The following SLC24A2 variants were observed in gnomAD, a reference collection of about 807,000 sequenced individuals.
SLC24A2 encodes the protein sodium/potassium/calcium exchanger 2.
Under a neutral mutation model 62.0 loss-of-function variants are expected in SLC24A2, and 36 were observed. The observed-to-expected ratio is 0.58, with a 90% CI of 0.44 to 0.77. The LOEUF is 0.77. SLC24A2 is among the 30% of genes least tolerant of loss of function. SLC24A2 has a pLI of 0.00. For synonymous variants in SLC24A2, 358 were observed against 294.0 expected (o/e 1.22, Z -2.23); for missense variants, 846 against 817.9 (o/e 1.03, Z -0.42).
At chr9:20,252,595 T>C in the SLC24A2 span, among the ~76,000 whole-genome samples, 1 of 152,190 alleles carries the variant, frequency 6.6e-6, no homozygotes, top group Non-Finnish European at 1.5e-5. Context: ...TATGAAACAT[T>C]AGGCAAGGTG....
the SLC24A2 span, among the ~76,000 whole-genome samples, chr9:19,840,449 C>T: frequency 6.6e-6 from 1 of 152,258 alleles, no homozygotes; most frequent in Admixed American, 6.5e-5. Context: ...CCCAATTTCC[C>T]TATTCAGCTA....
chr9:19,817,893 C>T, the SLC24A2 span, among the ~76,000 whole-genome samples: 1 of 152,104 alleles, frequency 6.6e-6, no homozygotes, highest in African/African-American at 2.4e-5. Context: ...CCTACTACAT[C>T]CAGCTAATTT....
chr9:19,705,638 A>T (rs7853874), intron 2 of SLC24A2: 88,570 of 223,134 alleles, frequency 0.4, 20,295 homozygotes, highest in African/African-American at 0.69. Context: ...CCCTAGGATG[A>T]AGAAATGAAG....
At chr9:19,738,796 A>T (rs1173937692) in intron 2 of SLC24A2, among the ~76,000 whole-genome samples, 1 of 152,182 alleles carries the variant, frequency 6.6e-6, no homozygotes, top group Admixed American at 6.5e-5. Context: ...TGAAAAAATT[A>T]AAAAATATTT....
At chr9:20,179,364 C>T in the SLC24A2 span, among the ~76,000 whole-genome samples, 268 of 152,164 alleles carry the variant, frequency 1.8e-3, 2 homozygotes, top group Non-Finnish European at 1.4e-3. Flanking sequence ...ATGCCCCAAT[C>T]GGAGAAAAAA....
At chr9:20,198,110 G>T in the SLC24A2 span, among the ~76,000 whole-genome samples, 1 of 152,212 alleles carries the variant, frequency 6.6e-6, no homozygotes, top group African/African-American at 2.4e-5. Context: ...CTCCACACCA[G>T]ATGTGATCCC....
intron 2 of SLC24A2, among the ~76,000 whole-genome samples, chr9:19,746,839 GT>G (rs1478998388): frequency 1.3e-5 from 2 of 152,062 alleles, no homozygotes; most frequent in Non-Finnish European, 2.9e-5. Context: ...TTGCAAAAGT[GT>G]TTTGAGTTCC....
At chr9:19,637,704 C>G (rs1007408601) in intron 2 of SLC24A2, among the ~76,000 whole-genome samples, 1 of 152,172 alleles carries the variant, frequency 6.6e-6, no homozygotes, top group Non-Finnish European at 1.5e-5. Flanking sequence ...CTTTGTTTCA[C>G]AGCTGGAAGG....
intron 7 of SLC24A2, among the ~76,000 whole-genome samples, chr9:19,566,217 C>T (rs1278617555): frequency 1.3e-5 from 2 of 150,534 alleles, no homozygotes; most frequent in Non-Finnish European, 3.0e-5. Context: ...ATCTACTCAT[C>T]TGACAAAGGG....
chr9:19,745,846 C>G (rs1821816899), intron 2 of SLC24A2, among the ~76,000 whole-genome samples: 1 of 152,142 alleles, frequency 6.6e-6, no homozygotes, highest in South Asian at 2.1e-4. Context: ...AATGTAAAAG[C>G]AGCAATAAGA....
At position 19,632,832 on chromosome 9, in the gene SLC24A2, G is replaced by C. The variant is rs959347129; in HGVS notation, c.931-10533C>G. Among the ~76,000 whole-genome samples the C allele has an allele frequency of 6.6e-6, 1 of 152,158 alleles. No individual in the cohort carries two copies. Among genetic ancestry groups the C allele is most frequent in the Non-Finnish European group, 1.5e-5 (1 of 68,026 alleles). On this transcript the variant is annotated intron_variant, in intron 2 of 10. Coordinates refer to ENST00000341998, the MANE Select transcript of SLC24A2 (RefSeq NM_020344.4). The surrounding 1 kb of genome is among the most constrained non-coding windows in gnomAD (Gnocchi z 4.5). ...TCACCAGTTATATGTGCACCTATTTGTGTTTGTGCATAGTGTGTATGTAGT... is the reference window on the plus strand; with the variant it reads ...TCACCAGTTATATGTGCACCTATTTCTGTTTGTGCATAGTGTGTATGTAGT...
At chr9:20,258,956 G>C in the SLC24A2 span, among the ~76,000 whole-genome samples, 46 of 152,134 alleles carry the variant, frequency 3.0e-4, no homozygotes, top group Non-Finnish European at 4.1e-4. Context: ...TAAAGGCTCT[G>C]AGAAGGGGAG....
intron 2 of SLC24A2, among the ~76,000 whole-genome samples, chr9:19,705,939 T>C (rs561938736): frequency 6.6e-5 from 10 of 152,052 alleles, no homozygotes; most frequent in Admixed American, 3.3e-4. Flanking sequence ...TCTGTAGATG[T>C]CTATTAGGTC....
In SLC24A2 at chr9:19,636,301, T is replaced by C. The variant is rs1444148855; in HGVS notation, c.931-14002A>G. Among the ~76,000 whole-genome samples, 32 of 44,392 alleles carry C rather than the reference T, an allele frequency of 7.2e-4. 1 individual carries two copies. Among genetic ancestry groups the C allele is most frequent in the African/African-American group, 2.3e-3 (25 of 10,758 alleles). 29.1% of individuals were successfully genotyped at this position (44,392 alleles called of 152,430 possible). On this transcript the variant is annotated intron_variant, in intron 2 of 10. Transcript: ENST00000341998. The stretch of plus-strand genomic sequence containing the variant: ...CTCTTCTTCTCTTCTTTTCTTTTCT[T>C]TTCTTTTCTTTTCTTTTCTTTCTTT...
chr9:19,520,825 T>G, intron 10 of SLC24A2, 69 bp downstream of exon 10: 1 of 1,489,522 alleles, frequency 6.7e-7, no homozygotes, highest in South Asian at 1.1e-5. Context: ...GTCATGTCTT[T>G]CCAGCTTCTA....
chr9:19,961,675 T>C, the SLC24A2 span, among the ~76,000 whole-genome samples: 1 of 152,194 alleles, frequency 6.6e-6, no homozygotes, highest in South Asian at 2.1e-4. Context: ...AGTAACTCAT[T>C]TCTAACTAAT....
chr9:19,932,269 C>T, the SLC24A2 span, among the ~76,000 whole-genome samples: 1 of 152,120 alleles, frequency 6.6e-6, no homozygotes, highest in Non-Finnish European at 1.5e-5. Context: ...GAGATGAAAG[C>T]TTGGGAAGGA....
At chr9:20,278,124 T>A in the SLC24A2 span, among the ~76,000 whole-genome samples, 8 of 152,036 alleles carry the variant, frequency 5.3e-5, no homozygotes, top group African/African-American at 1.9e-4. Context: ...TTAGGAGATA[T>A]ACCTAATGTA....
intron 2 of SLC24A2, among the ~76,000 whole-genome samples, chr9:19,674,302 C>G (rs114062949): frequency 0.016 from 2,377 of 151,918 alleles, 61 homozygotes; most frequent in African/African-American, 0.054. Flanking sequence ...TCTTAAGATT[C>G]TTTCTTAAGT....
Sources: allele counts gnomAD v4.1 joint callset (sites outside exome capture counted in the v4.1 genomes callset), GRCh38; gene constraint gnomAD v4.1.1; non-coding constraint Gnocchi (gnomAD v3.1); transcripts MANE v1.5; gene names NCBI Gene and HGNC (gene_info 2026-07-23, HGNC 2026-07-21).